Variants in CDH8 observed in about 807,000 individuals in gnomAD.
CDH8 encodes cadherin-8.
In CDH8, 17 loss-of-function variants were observed where a neutral mutation model predicts 68.1. The observed-to-expected ratio is 0.25, with a 90% CI of 0.17 to 0.37. The LOEUF is 0.37. Ranked by LOEUF, CDH8 falls within the 10% of genes least tolerant of loss-of-function variation. The pLI, the probability that CDH8 is intolerant of heterozygous loss-of-function variation, is 1.00. For synonymous variants in CDH8, 372 were observed against 365.1 expected (o/e 1.02, Z -0.21); for missense variants, 763 against 999.3 (o/e 0.76, Z 3.19).
intron 3 of CDH8, among the ~76,000 whole-genome samples, chr16:61,857,450 A>T (rs1963068173): frequency 6.6e-6 from 1 of 152,194 alleles, no homozygotes; most frequent in Admixed American, 6.6e-5. Context: ...ATATAAAGAT[A>T]CTTTTAGTAT....
At chr16:61,998,631 A>T (rs1164832981) in intron 2 of CDH8, among the ~76,000 whole-genome samples, 2 of 152,178 alleles carry the variant, frequency 1.3e-5, no homozygotes, top group African/African-American at 4.8e-5. Context: ...AGTCATGCCC[A>T]CTATATGTTT....
chr16:61,924,753 TA>T (rs1476482227), intron 2 of CDH8, among the ~76,000 whole-genome samples: 2 of 152,144 alleles, frequency 1.3e-5, no homozygotes, highest in Non-Finnish European at 2.9e-5. Context: ...ACTGCAATTC[TA>T]AAATTCAACC....
intron 2 of CDH8, among the ~76,000 whole-genome samples, chr16:61,987,243 C>T (rs930617842): frequency 6.6e-6 from 1 of 152,204 alleles, no homozygotes; most frequent in East Asian, 1.9e-4. Flanking sequence ...GTGGCTCACA[C>T]CTGCAATCCT....
chr16:61,672,504 A>T (rs1284545064), intron 10 of CDH8, among the ~76,000 whole-genome samples: 1 of 152,056 alleles, frequency 6.6e-6, no homozygotes, highest in East Asian at 1.9e-4. Context: ...AAAATCTTTG[A>T]GGAATACATT....
At chr16:61,700,383 C>T (rs112930744) in intron 10 of CDH8, among the ~76,000 whole-genome samples, 19,186 of 151,278 alleles carry the variant, frequency 0.13, 1,251 homozygotes, top group African/African-American at 0.15. Flanking sequence ...TGGGTTCAAG[C>T]GATTCTCCTG....
chr16:62,018,180 A>G (rs1268799607), intron 2 of CDH8, among the ~76,000 whole-genome samples: 1 of 152,166 alleles, frequency 6.6e-6, no homozygotes, highest in Non-Finnish European at 1.5e-5. Context: ...AGACCTCGAG[A>G]GAGTACATCT....
rs1372536859 is a variant in CDH8, at chr16:62,001,637, T to C, written c.252+19515A>G. 2.6e-5 allele frequency among the ~76,000 whole-genome samples: 4 copies of C among 152,288 alleles called. No homozygotes were observed. In the East Asian group the frequency reaches 7.7e-4, roughly 29 times the overall value. ...AGCTATGTGCTCTGTTAAAGAGTCA[T>C]GGGGAGAGAAATCCTTCTTACTTCA... On this transcript the variant is annotated intron_variant, in intron 2 of 11. Coordinates refer to ENST00000577390, the MANE Select transcript of CDH8 (RefSeq NM_001796.5).
At chr16:61,955,690 T>C (rs1308231520) in intron 2 of CDH8, among the ~76,000 whole-genome samples, 2 of 152,334 alleles carry the variant, frequency 1.3e-5, no homozygotes, top group Non-Finnish European at 2.9e-5. Flanking sequence ...TCTGGATAAC[T>C]TTAAACAGGG....
At chr16:61,919,649 G>A (rs1399223852) in intron 2 of CDH8, among the ~76,000 whole-genome samples, 1 of 151,542 alleles carries the variant, frequency 6.6e-6, no homozygotes, top group African/African-American at 2.4e-5. Flanking sequence ...AAGCCTCCAA[G>A]AAATATGGGA....
chr16:61,807,368 T>C (rs1192804805), intron 7 of CDH8, among the ~76,000 whole-genome samples: 3 of 150,116 alleles, frequency 2.0e-5, no homozygotes, highest in Non-Finnish European at 4.4e-5. Flanking sequence ...ATATACCTAA[T>C]GCTAGATGAC....
intron 5 of CDH8, among the ~76,000 whole-genome samples, chr16:61,821,352 T>C (rs538771739): frequency 2.0e-5 from 3 of 152,202 alleles, no homozygotes; most frequent in South Asian, 4.1e-4. Flanking sequence ...TTCTGAGATA[T>C]GAAACTTACT....
intron 4 of CDH8, among the ~76,000 whole-genome samples, chr16:61,838,423 G>A (rs985057860): frequency 6.6e-6 from 1 of 152,060 alleles, no homozygotes; most frequent in Non-Finnish European, 1.5e-5. Context: ...AACACTCACT[G>A]ATTACCTCCT....
chr16:61,819,383 C>T (rs1962159212), intron 6 of CDH8, among the ~76,000 whole-genome samples: 1 of 150,682 alleles, frequency 6.6e-6, no homozygotes, highest in South Asian at 2.1e-4. Flanking sequence ...CACTTTATGG[C>T]AAAAAAAATG....
intron 2 of CDH8, among the ~76,000 whole-genome samples, chr16:61,910,658 C>T (rs938412692): frequency 7.9e-5 from 12 of 152,014 alleles, no homozygotes; most frequent in African/African-American, 2.7e-4. Context: ...ATAGATAATG[C>T]TGTTAAAGGC....
chr16:61,952,528 T>C (rs1567541984), intron 2 of CDH8, among the ~76,000 whole-genome samples: 2 of 152,180 alleles, frequency 1.3e-5, no homozygotes, highest in Admixed American at 6.5e-5. Context: ...GCAGGCTGGT[T>C]GCTGAAATGG....
rs917783428 is a variant in CDH8, at chr16:61,919,062, C to T, written c.253-17589G>A. Among the ~76,000 whole-genome samples, 28 of 146,802 alleles carry T rather than the reference C, an allele frequency of 1.9e-4. 2 individuals carry two copies. Among genetic ancestry groups the T allele is most frequent in the South Asian group, 1.1e-3 (5 of 4,468 alleles). On this transcript the variant is annotated intron_variant, in intron 2 of 11. Transcript: ENST00000577390. ...ACCCCCCAGCAGGGGCATACTGACA[C>T]CTCACACGGCAGGGTATTCCAACAG... is the stretch of plus-strand genomic sequence containing the variant.
chr16:61,800,311 C>CG (rs1393658414), intron 7 of CDH8, among the ~76,000 whole-genome samples: 1 of 152,178 alleles, frequency 6.6e-6, no homozygotes, highest in Admixed American at 6.5e-5. Flanking sequence ...CGGTCTCACC[C>CG]GGTCTTGTAC....
At chr16:61,935,548 A>G (rs537149785) in intron 2 of CDH8, among the ~76,000 whole-genome samples, 1 of 152,220 alleles carries the variant, frequency 6.6e-6, no homozygotes, top group South Asian at 2.1e-4. Flanking sequence ...ACACTTACAT[A>G]CCTTTTATGG....
Position 61,781,029 on chromosome 16 carries a change from T to G in CDH8, c.1414+8317A>C, listed in dbSNP as rs1014407519. Among the ~76,000 whole-genome samples, 3 of 152,348 alleles carry G rather than the reference T, an allele frequency of 2.0e-5. No individual in the cohort carries two copies. The East Asian group carries it at 5.8e-4, about 29-fold the overall frequency. ...CTAATATTTCTTAAGATGTTTGACA[T>G]GAATTCAGCTTGTTTCTTGGCCAAA... is the stretch of plus-strand genomic sequence containing the variant. On this transcript the variant is annotated intron_variant, in intron 8 of 11. Coordinates refer to ENST00000577390, the MANE Select transcript of CDH8 (RefSeq NM_001796.5).
Sources: allele counts gnomAD v4.1 joint callset (sites outside exome capture counted in the v4.1 genomes callset), GRCh38; gene constraint gnomAD v4.1.1; transcripts MANE v1.5; gene names NCBI Gene and HGNC (gene_info 2026-07-23, HGNC 2026-07-21).